Variants in ACOXL observed in about 807,000 individuals in gnomAD.
ACOXL encodes the protein acyl-CoA oxidase like.
ACOXL carries 70 observed loss-of-function variants against 71.9 expected under a neutral mutation model. That is an observed-to-expected ratio of 0.97 (90% CI 0.80 to 1.19). ACOXL has a LOEUF of 1.19. Ranked by LOEUF, ACOXL falls within the 50% of genes most tolerant of loss-of-function variation. The pLI is 0.00. For synonymous variants in ACOXL, 253 were observed against 281.6 expected, an observed-to-expected ratio of 0.90 and a Z score of 1.02; for missense variants, 703 against 736.3, an observed-to-expected ratio of 0.95 and a Z score of 0.52.
chr2:110,780,455 A>G (rs1477451923), intron 2 of ACOXL, among the ~76,000 whole-genome samples: 1 of 152,232 alleles, frequency 6.6e-6, no homozygotes, highest in African/African-American at 2.4e-5. Context: ...TTTACAAAAG[A>G]GAAACAGACA....
chr2:111,008,789 T>C (rs1443213917), intron 14 of ACOXL, among the ~76,000 whole-genome samples: 1 of 152,238 alleles, frequency 6.6e-6, no homozygotes, highest in African/African-American at 2.4e-5. Context: ...CTAATATTTT[T>C]CAATTTTTGC....
intron 17 of ACOXL, among the ~76,000 whole-genome samples, chr2:111,102,716 A>T (rs1378887016): frequency 6.6e-6 from 1 of 152,204 alleles, no homozygotes; most frequent in Non-Finnish European, 1.5e-5. Flanking sequence ...GCAGTTAAGG[A>T]TAGTGGATTT....
At chr2:110,981,755 A>G (rs1053831665) in intron 12 of ACOXL, among the ~76,000 whole-genome samples, 2 of 152,118 alleles carry the variant, frequency 1.3e-5, no homozygotes, top group African/African-American at 2.4e-5. Flanking sequence ...TGTACCTGTC[A>G]TGTTCTTTAC....
intron 10 of ACOXL, among the ~76,000 whole-genome samples, chr2:110,850,934 G>A (rs1573829758): frequency 6.6e-6 from 1 of 152,280 alleles, no homozygotes; most frequent in Non-Finnish European, 1.5e-5. Flanking sequence ...TGGGAAGTGG[G>A]TAAACAGACT....
At chr2:110,763,794 T>C (rs933040051) in intron 1 of ACOXL, among the ~76,000 whole-genome samples, 5 of 152,090 alleles carry the variant, frequency 3.3e-5, no homozygotes, top group African/African-American at 1.2e-4. Flanking sequence ...CATAGACACG[T>C]CTAATATAAG....
At chr2:110,857,363 C>T (rs987609634) in intron 10 of ACOXL, among the ~76,000 whole-genome samples, 3 of 152,152 alleles carry the variant, frequency 2.0e-5, no homozygotes, top group African/African-American at 7.2e-5. Context: ...GCCAGATAAA[C>T]CCATCCGTCC....
chr2:110,911,691 TAGGTATATA>T (rs1329696725), intron 11 of ACOXL, among the ~76,000 whole-genome samples: 3 of 152,026 alleles, frequency 2.0e-5, no homozygotes, highest in African/African-American at 7.2e-5. Flanking sequence ...CTCAACAAAC[TAGGTATATA>T]AGAAAACTTT....
chr2:110,974,634 T>C (rs1323573908), intron 12 of ACOXL, among the ~76,000 whole-genome samples: 3 of 152,188 alleles, frequency 2.0e-5, no homozygotes, highest in Non-Finnish European at 4.4e-5. Context: ...AGTGCAGATA[T>C]GCAAAAATGC....
chr2:111,001,325 G>T (rs2063616108), intron 14 of ACOXL, among the ~76,000 whole-genome samples: 1 of 152,110 alleles, frequency 6.6e-6, no homozygotes, highest in Admixed American at 6.6e-5. Flanking sequence ...GTGCTGAAAG[G>T]TACAGAGACA....
At chr2:110,787,945 A>G (rs1684189869) in intron 3 of ACOXL, among the ~76,000 whole-genome samples, 1 of 152,218 alleles carries the variant, frequency 6.6e-6, no homozygotes, top group African/African-American at 2.4e-5. Context: ...ATATTTATTC[A>G]TGGAATTACT....
chr2:110,958,414 TG>T (rs1264065644), intron 12 of ACOXL, among the ~76,000 whole-genome samples: 1 of 152,140 alleles, frequency 6.6e-6, no homozygotes, highest in African/African-American at 2.4e-5. Context: ...GAACCGCTAT[TG>T]GTTCAGGGGC....
chr2:111,011,271 T>C (rs2064140673), intron 14 of ACOXL, among the ~76,000 whole-genome samples: 1 of 152,102 alleles, frequency 6.6e-6, no homozygotes, highest in Admixed American at 6.5e-5. Context: ...GATTGTAATA[T>C]AGGAGGTAGT....
chr2:110,909,188 A>G lies in ACOXL; in HGVS notation c.905+283A>G, dbSNP rs141481642. Among the ~76,000 whole-genome samples the G allele has an allele frequency of 3.5e-4, 54 of 152,322 alleles. No individual in the cohort carries two copies. In the East Asian group the frequency reaches 8.5e-3, roughly 24 times the overall value. Reference sequence around the variant, plus strand: ...AGAGACTTTGAGAAGGCAGGAGCCAATGTTTCTCCAGAGTTTTCAAAAGTA... The same window carrying G: ...AGAGACTTTGAGAAGGCAGGAGCCAGTGTTTCTCCAGAGTTTTCAAAAGTA... On this transcript the variant is annotated intron_variant, in intron 11 of 17. Transcript: ENST00000439055.
intron 14 of ACOXL, among the ~76,000 whole-genome samples, chr2:110,998,067 G>A (rs2063475649): frequency 1.3e-5 from 2 of 151,808 alleles, no homozygotes; most frequent in South Asian, 4.2e-4. Context: ...TAATACGGAA[G>A]CTAAAAATAT....
At chr2:111,048,698 TCTC>T (rs1261103981) in intron 15 of ACOXL, among the ~76,000 whole-genome samples, 1 of 152,154 alleles carries the variant, frequency 6.6e-6, no homozygotes, top group Non-Finnish European at 1.5e-5. Flanking sequence ...TCTTCCCTAT[TCTC>T]CTTGAGAAGG....
Position 110,982,287 on chromosome 2 carries a change from C to T in ACOXL, c.1060-4821C>T, listed in dbSNP as rs1319620381. Among the ~76,000 whole-genome samples the T allele has an allele frequency of 2.6e-5, 4 of 152,270 alleles. No individual in the cohort carries two copies. The East Asian group carries it at 7.7e-4, about 29-fold the overall frequency. ...ATCCGTGTTTAAGGCCCAGCAATTA[C>T]TCAGAGCTGCTTACTTGTTGGTTTC... is the stretch of plus-strand genomic sequence containing the variant. On this transcript the variant is annotated intron_variant, in intron 12 of 17. Transcript: ENST00000439055.
chr2:110,809,360 C>T (rs920201932), intron 9 of ACOXL, among the ~76,000 whole-genome samples: 3 of 152,228 alleles, frequency 2.0e-5, no homozygotes, highest in African/African-American at 7.2e-5. Context: ...AGCAGCTGAG[C>T]TGCGGGGCTG....
intron 14 of ACOXL, among the ~76,000 whole-genome samples, chr2:111,007,819 G>T (rs564108638): frequency 1.3e-5 from 2 of 152,308 alleles, no homozygotes; most frequent in African/African-American, 4.8e-5. Context: ...ACACAGATCT[G>T]TATGCACGTA....
chr2:111,068,110 G>A (rs2067159639), intron 16 of ACOXL, among the ~76,000 whole-genome samples: 2 of 152,218 alleles, frequency 1.3e-5, no homozygotes, highest in Admixed American at 1.3e-4. Context: ...AACAGAGGAG[G>A]CGAATGGGGG....
Sources: allele counts gnomAD v4.1 joint callset (sites outside exome capture counted in the v4.1 genomes callset), GRCh38; gene constraint gnomAD v4.1.1; transcripts MANE v1.5; gene names NCBI Gene and HGNC (gene_info 2026-07-23, HGNC 2026-07-21).